The following OGDH variants were observed in gnomAD, a reference collection of about 807,000 sequenced individuals.
OGDH encodes oxoglutarate dehydrogenase.
OGDH carries 38 observed loss-of-function variants against 116.6 expected under a neutral mutation model. The observed-to-expected ratio is 0.33, with a 90% CI of 0.25 to 0.43. The LOEUF is 0.43. OGDH is among the 20% of genes least tolerant of loss of function. OGDH has a pLI of 1.00. For synonymous variants in OGDH, 488 were observed against 533.3 expected (o/e 0.92, Z 1.17); for missense variants, 825 against 1,357.2 (o/e 0.61, Z 6.16).
chr7:44,609,169 T>C (rs1005861135), intron 1 of OGDH, among the ~76,000 whole-genome samples: 4 of 152,078 alleles, frequency 2.6e-5, no homozygotes, highest in African/African-American at 9.7e-5. Context: ...TCCAGTCAGC[T>C]TAATTCCCTG....
At chr7:44,617,126 T>C (rs369993320) in intron 1 of OGDH, among the ~76,000 whole-genome samples, 3 of 149,448 alleles carry the variant, frequency 2.0e-5, no homozygotes, top group Non-Finnish European at 4.5e-5. Flanking sequence ...AGAGGCGGGG[T>C]TTCAGCATGT....
chr7:44,650,260 G>C (rs1188467216), intron 4 of OGDH, among the ~76,000 whole-genome samples: 1 of 151,504 alleles, frequency 6.6e-6, no homozygotes, highest in East Asian at 1.9e-4. Flanking sequence ...CAAGAAAACA[G>C]CAGGTCAGAT....
At position 44,693,827 on chromosome 7, in the gene OGDH, C is replaced by T. The variant is rs755273913; in HGVS notation, c.1338C>T (p.Ile446=). The T allele has an allele frequency of 2.0e-5, 31 of 1,582,998 alleles. No individual in the cohort carries two copies. In the East Asian group the frequency reaches 5.9e-4, roughly 30 times the overall value. The change falls in exon 11 of 23, where the codon ATC becomes ATT. Residue 446 remains isoleucine (I), a splice_region_variant and synonymous_variant. Coordinates refer to ENST00000222673, the MANE Select transcript of OGDH (RefSeq NM_002541.4). ...GCTAGGCTACATGTTCCTTGCAGATCGGCTTCACCACCGACCCTCGGATGG... is the reference window on the plus strand; with the variant it reads ...GCTAGGCTACATGTTCCTTGCAGATTGGCTTCACCACCGACCCTCGGATGG... The part of the protein sequence containing the change: ...GTVHVVVNNQ[I]GFTTDPRMAR...
chr7:44,674,115 C>A (rs941189827), intron 6 of OGDH, among the ~76,000 whole-genome samples, 174 bp downstream of exon 6: 2 of 152,148 alleles, frequency 1.3e-5, no homozygotes, highest in African/African-American at 4.8e-5. Flanking sequence ...TAGAGTCAGC[C>A]TTCAGAGCAA....
chr7:44,629,618 C>T (rs1241807641), intron 2 of OGDH, among the ~76,000 whole-genome samples: 2 of 135,748 alleles, frequency 1.5e-5, no homozygotes, highest in African/African-American at 5.6e-5. Flanking sequence ...CTCGCTCTGT[C>T]ACCAAGTCTG....
At chr7:44,657,393 T>C (rs1170972495) in intron 4 of OGDH, among the ~76,000 whole-genome samples, 2 of 152,250 alleles carry the variant, frequency 1.3e-5, no homozygotes, top group African/African-American at 4.8e-5. Flanking sequence ...CATAATTTTC[T>C]TAGAGATTCA....
chr7:44,607,106 G>T (rs1784383741), intron 1 of OGDH, among the ~76,000 whole-genome samples: 1 of 152,238 alleles, frequency 6.6e-6, no homozygotes, highest in East Asian at 1.9e-4. Flanking sequence ...CGCCTGTGAG[G>T]ACCGCGTCGC....
chr7:44,644,881 G>A (rs1283356456), intron 2 of OGDH, among the ~76,000 whole-genome samples: 2 of 152,174 alleles, frequency 1.3e-5, no homozygotes, highest in Non-Finnish European at 2.9e-5. Flanking sequence ...AGAAAAACTG[G>A]TAGAGTTTGC....
At position 44,708,157 on chromosome 7, in the gene OGDH, C is replaced by T. The variant is rs1789171338; in HGVS notation, c.*158C>T. 1.1e-5 allele frequency: 11 copies of T among 1,042,066 alleles called. No homozygotes were observed. The South Asian group carries it at 1.8e-4, about 17-fold the overall frequency. The allele number at this position is 1,042,066 out of a possible 1,614,324, so 64.6% of individuals were successfully genotyped here. On this transcript the variant is annotated 3_prime_UTR_variant, in exon 23 of 23. Transcript: ENST00000222673. Reference sequence around the variant, plus strand: ...CTCTCATAGGAGTTAGGCTGTCGTCCCCCTCCAGTGCTTGGCTGCCCCACA... The same window carrying T: ...CTCTCATAGGAGTTAGGCTGTCGTCTCCCTCCAGTGCTTGGCTGCCCCACA...
At chr7:44,631,807 C>T (rs967532711) in intron 2 of OGDH, among the ~76,000 whole-genome samples, 4 of 151,720 alleles carry the variant, frequency 2.6e-5, no homozygotes, top group African/African-American at 4.8e-5. Flanking sequence ...GCTCTCTTTT[C>T]TCTCTCTCTC....
At chr7:44,641,289 G>A (rs767171145) in intron 2 of OGDH, among the ~76,000 whole-genome samples, 6 of 141,040 alleles carry the variant, frequency 4.3e-5, no homozygotes, top group African/African-American at 8.1e-5. Context: ...ACAATGGTGC[G>A]ATCTCAGCTC....
At chr7:44,631,291 G>A (rs1199015186) in intron 2 of OGDH, among the ~76,000 whole-genome samples, 1 of 152,172 alleles carries the variant, frequency 6.6e-6, no homozygotes, top group African/African-American at 2.4e-5. Context: ...ACCCCTTGAT[G>A]ATTTTTTGTT....
chr7:44,617,292 AT>A (rs1784843722), intron 1 of OGDH, among the ~76,000 whole-genome samples: 1 of 152,062 alleles, frequency 6.6e-6, no homozygotes, highest in Non-Finnish European at 1.5e-5. Context: ...TTGTGTTACA[AT>A]TACAAAAAGA....
Position 44,624,330 on chromosome 7 carries a change from A to G in OGDH, c.-14A>G. On this transcript the variant is annotated 5_prime_UTR_variant, in exon 2 of 23. Transcript: ENST00000222673. ...TTTTTTGTACAGGCAGTTGTGAAAA[A>G]CTTCAGGACAAAAATGTTTCATTTA... The G allele has an allele frequency of 6.3e-7, 1 of 1,579,998 alleles. No homozygotes were observed. The highest frequency in any genetic ancestry group is 8.6e-7 in the Non-Finnish European group (1 of 1,163,608).
chr7:44,656,461 C>A, intron 4 of OGDH: 1 of 1,018,706 alleles, frequency 9.8e-7, no homozygotes, highest in Non-Finnish European at 1.5e-6. Flanking sequence ...AAAGTTGACG[C>A]AACTTCTGTC....
At chr7:44,608,774 G>A (rs994820909) in intron 1 of OGDH, among the ~76,000 whole-genome samples, 1 of 151,998 alleles carries the variant, frequency 6.6e-6, no homozygotes, top group African/African-American at 2.4e-5. Flanking sequence ...AGATTTTTAG[G>A]TAATTTTTGA....
chr7:44,678,030 C>T (rs754029554), intron 9 of OGDH, among the ~76,000 whole-genome samples: 3 of 152,066 alleles, frequency 2.0e-5, no homozygotes, highest in Non-Finnish European at 2.9e-5. Flanking sequence ...AAGTGATTCC[C>T]GCATCGATCA....
At chr7:44,628,419 C>T (rs1370477716) in intron 2 of OGDH, among the ~76,000 whole-genome samples, 9 of 149,636 alleles carry the variant, frequency 6.0e-5, no homozygotes, top group East Asian at 2.0e-4. Flanking sequence ...TATAATTGGT[C>T]GTTGTATTCC....
chr7:44,707,201 C>T lies in OGDH; in HGVS notation c.2633-24C>T, dbSNP rs772781350. 1.2e-6 allele frequency: 2 copies of T among 1,612,606 alleles called. No individual in the cohort carries two copies. Among genetic ancestry groups the T allele is most frequent in the Admixed American group, 1.7e-5 (1 of 59,942 alleles). On this transcript the variant is annotated intron_variant, in intron 20 of 22. Coordinates refer to ENST00000222673, the MANE Select transcript of OGDH (RefSeq NM_002541.4). This position sits in a 1 kb window ranked among gnomAD's most constrained non-coding sequence, Gnocchi z 5.2. ...CAGCCACATACCTGAGAGAACCAGC[C>T]TAGCCATGGGAACTCTCTTGTAGGA... is the stretch of plus-strand genomic sequence containing the variant.
Sources: allele counts gnomAD v4.1 joint callset (sites outside exome capture counted in the v4.1 genomes callset), GRCh38; gene constraint gnomAD v4.1.1; non-coding constraint Gnocchi (gnomAD v3.1); transcripts MANE v1.5; gene names NCBI Gene and HGNC (gene_info 2026-07-23, HGNC 2026-07-21).